FARP1: variants seen among roughly 807,000 people sequenced by gnomAD.
FARP1 encodes the protein FERM, ARHGEF and pleckstrin domain-containing protein 1.
In FARP1, 52 loss-of-function variants were observed where a neutral mutation model predicts 128.8. The observed-to-expected ratio is 0.40, with a 90% CI of 0.32 to 0.51. FARP1 has a LOEUF of 0.51. FARP1 is among the 20% of genes least tolerant of loss of function. The probability of loss-of-function intolerance (pLI) is 0.45; values close to 1 mark genes in which losing one functional copy is unlikely to be tolerated. For missense variants in FARP1, 1,333 were observed against 1,367.9 expected (o/e 0.97, Z 0.40); for synonymous variants, 580 against 551.8 (o/e 1.05, Z -0.72).
rs1882152968 is a variant in FARP1 at position 98,232,138 on chromosome 13, TTGGTTGG to T, written c.171+18727_171+18733del. Among the ~76,000 whole-genome samples, 2 of 124,126 alleles carry T rather than the reference TTGGTTGG, an allele frequency of 1.6e-5. 1 individual carries two copies. Among genetic ancestry groups the T allele is most frequent in the African/African-American group, 7.9e-5 (2 of 25,258 alleles). The allele number at this position is 124,126 out of a possible 152,430, so 81.4% of individuals were successfully genotyped here. On this transcript the variant is annotated intron_variant, in intron 2 of 26. Transcript: ENST00000319562. ...AGCCACCGTGCCCGGCTTTTTTTGT[TTGGTTGG>T]TTTTTTTTTTTTTTTTTTTTTGCTT... is the stretch of plus-strand genomic sequence containing the variant.
At chr13:98,288,135 G>A (rs1468829638) in intron 2 of FARP1, among the ~76,000 whole-genome samples, 3 of 152,128 alleles carry the variant, frequency 2.0e-5, no homozygotes, top group African/African-American at 7.2e-5. Context: ...ATACATGGGT[G>A]AACAAAACCC....
intron 16 of FARP1, among the ~76,000 whole-genome samples, chr13:98,413,049 G>A (rs569110713): frequency 6.7e-6 from 1 of 150,266 alleles, no homozygotes; most frequent in Non-Finnish European, 1.5e-5. Flanking sequence ...TTCAAGCGTC[G>A]GTTTAACAGC....
intron 1 of FARP1, among the ~76,000 whole-genome samples, chr13:98,146,564 T>C (rs1242494992): frequency 6.6e-6 from 1 of 152,210 alleles, no homozygotes; most frequent in Non-Finnish European, 1.5e-5. Flanking sequence ...GACTGGACAT[T>C]TTAAAGAAGC....
intron 8 of FARP1, among the ~76,000 whole-genome samples, chr13:98,386,187 C>CT (rs138218092): frequency 0.16 from 15,040 of 92,746 alleles, 1,318 homozygotes; most frequent in Non-Finnish European, 0.23. Context: ...TAATGTGATC[C>CT]TTTTTTTTTT....
chr13:98,256,565 T>C (rs1286917059), intron 2 of FARP1, among the ~76,000 whole-genome samples: 1 of 151,952 alleles, frequency 6.6e-6, no homozygotes, highest in African/African-American at 2.4e-5. Flanking sequence ...TTTTTTTTTT[T>C]TTCTTTTTTT....
At chr13:98,371,793 G>T (rs1293651076) in intron 5 of FARP1, among the ~76,000 whole-genome samples, 3 of 152,190 alleles carry the variant, frequency 2.0e-5, no homozygotes, top group Admixed American at 6.5e-5. Flanking sequence ...GGGACAGACG[G>T]AGAAACTGGC....
intron 2 of FARP1, chr13:98,245,040 T>C: frequency 7.5e-6 from 8 of 1,060,280 alleles, no homozygotes; most frequent in Non-Finnish European, 9.1e-6. Flanking sequence ...AAGAGAGGGA[T>C]TTGGTTTATT....
rs201842824 is a variant in FARP1 at position 98,177,264 on chromosome 13, T to A, written c.-24+33772T>A. The A allele has an allele frequency of 2.2e-5, 34 of 1,515,638 alleles. No individual in the cohort carries two copies. In the African/African-American group the frequency reaches 4.7e-4, roughly 21 times the overall value. The allele number at this position is 1,515,638 out of a possible 1,614,324, so 93.9% of individuals were successfully genotyped here. A position where few individuals can be genotyped will look rare whatever the true frequency, so the allele number is the denominator to read the frequency against. On this transcript the variant is annotated intron_variant, in intron 1 of 26. Coordinates refer to ENST00000319562, the MANE Select transcript of FARP1 (RefSeq NM_005766.4). ...TTGAGTCTCAGGCTCCCAACGGCCG[T>A]GGCGTGCGTCACCCTTGCGTCGCCC... is the stretch of plus-strand genomic sequence containing the variant.
intron 2 of FARP1, among the ~76,000 whole-genome samples, chr13:98,281,073 A>T (rs1884913712): frequency 6.6e-6 from 1 of 152,238 alleles, no homozygotes; most frequent in South Asian, 2.1e-4. Context: ...AGTTTATTTC[A>T]GGTTGGGCTC....
chr13:98,244,713 A>T (rs1882967630), intron 2 of FARP1: 1 of 1,610,972 alleles, frequency 6.2e-7, no homozygotes, highest in East Asian at 2.2e-5. Context: ...TTTTTGAGTC[A>T]GGACTTGAAG....
At chr13:98,148,908 C>G (rs1012463130) in intron 1 of FARP1, among the ~76,000 whole-genome samples, 1 of 150,130 alleles carries the variant, frequency 6.7e-6, no homozygotes, top group Non-Finnish European at 1.5e-5. Flanking sequence ...TTTTTTGAGT[C>G]AGGTTCTCAC....
intron 14 of FARP1, among the ~76,000 whole-genome samples, chr13:98,410,510 A>T (rs1430473571): frequency 6.6e-6 from 1 of 152,228 alleles, no homozygotes; most frequent in Non-Finnish European, 1.5e-5. Context: ...CTAGCTCCTC[A>T]CATGAAACGG....
At chr13:98,331,877 TTTTGCGCC>T (rs1286596211) in intron 2 of FARP1, 1 of 152,140 alleles carries the variant, frequency 6.6e-6, no homozygotes, top group Non-Finnish European at 1.5e-5. Context: ...TCTCCCACAG[TTTTGCGCC>T]TAATAGTAAT....
intron 9 of FARP1, among the ~76,000 whole-genome samples, chr13:98,388,840 C>T (rs76270784): frequency 0.015 from 2,281 of 152,306 alleles, 21 homozygotes; most frequent in Middle Eastern, 0.024. Context: ...TCCTGCCCTA[C>T]CCCAGGCATA....
chr13:98,200,510 C>T (rs1399184901), intron 1 of FARP1, among the ~76,000 whole-genome samples: 1 of 151,374 alleles, frequency 6.6e-6, no homozygotes, highest in Non-Finnish European at 1.5e-5. Context: ...AGAAGCACTG[C>T]AGTAGAGAGT....
Position 98,453,073 on chromosome 13 carries a change from C to A in FARP1, c.*4756C>A. 7.0e-7 allele frequency: 1 copy of A among 1,419,258 alleles called. No individual in the cohort carries two copies. The highest frequency in any genetic ancestry group is 9.8e-7 in the Non-Finnish European group (1 of 1,021,320). The allele number at this position is 1,419,258 out of a possible 1,614,324, so 87.9% of individuals were successfully genotyped here. ...GCTGGGGTGGCTCCCAGTGGCGCACCTCTTCGGTGGAGTCAGCGAAGGCTC... is the reference window on the plus strand; with the variant it reads ...GCTGGGGTGGCTCCCAGTGGCGCACATCTTCGGTGGAGTCAGCGAAGGCTC... On this transcript the variant is annotated 3_prime_UTR_variant, in exon 27 of 27. Transcript: ENST00000319562.
chr13:98,399,681 A>C (rs1890686103), intron 13 of FARP1: 1 of 152,178 alleles, frequency 6.6e-6, no homozygotes, highest in Admixed American at 6.5e-5. Flanking sequence ...GATACCAGCC[A>C]CTCACTGGCT....
chr13:98,424,482 G>A, intron 16 of FARP1, 90 bp from the exon 17 acceptor site: 1 of 827,678 alleles, frequency 1.2e-6, no homozygotes, highest in Non-Finnish European at 2.1e-6. Flanking sequence ...GGGGTGATTG[G>A]AAAGGAAGCG....
At chr13:98,437,160 A>G (rs1187986115) in intron 19 of FARP1, among the ~76,000 whole-genome samples, 4 of 152,246 alleles carry the variant, frequency 2.6e-5, no homozygotes, top group African/African-American at 9.6e-5. Context: ...AAAGGTAGCC[A>G]TAGAATAGTG....
Sources: gnomAD v4.1 joint callset for allele counts (sites outside exome capture counted in the v4.1 genomes callset) on GRCh38, gnomAD v4.1.1 for gene constraint, MANE v1.5 for transcripts, NCBI Gene and HGNC (gene_info 2026-07-23, HGNC 2026-07-21) for gene names.